ITPKB: variants seen among roughly 807,000 people sequenced by gnomAD.
ITPKB encodes inositol-trisphosphate 3-kinase B.
In ITPKB, 13 loss-of-function variants were observed where a neutral mutation model predicts 69.4. The ratio of observed to expected loss-of-function variants is 0.19; its 90% CI spans 0.12 to 0.30. The LOEUF (loss-of-function observed/expected upper bound fraction) is 0.30, where lower values mean the gene tolerates loss of function less well. Ranked by LOEUF, ITPKB falls within the 10% of genes least tolerant of loss-of-function variation. ITPKB has a pLI of 1.00. For synonymous variants in ITPKB, 584 were observed against 513.7 expected (o/e 1.14, Z -1.85); for missense variants, 1,240 against 1,250.5 (o/e 0.99, Z 0.13).
intron 4 of ITPKB, among the ~76,000 whole-genome samples, chr1:226,644,583 G>A (rs1011162542): frequency 1.3e-5 from 2 of 152,226 alleles, no homozygotes; most frequent in Admixed American, 6.5e-5. Context: ...CAGAGCCACT[G>A]AGCACATGTC....
intron 2 of ITPKB, among the ~76,000 whole-genome samples, chr1:226,677,501 C>CA (rs748074228): frequency 9.9e-4 from 151 of 152,328 alleles, no homozygotes; most frequent in Middle Eastern, 3.4e-3. Context: ...CTGTGAATCT[C>CA]AGACAAGCCC....
chr1:226,658,545 G>C (rs754893482), intron 2 of ITPKB, among the ~76,000 whole-genome samples: 1 of 152,220 alleles, frequency 6.6e-6, no homozygotes, highest in African/African-American at 2.4e-5. Context: ...CTGGATGTAA[G>C]ACTAACTGCC....
At chr1:226,660,041 G>A (rs3768378) in intron 2 of ITPKB, among the ~76,000 whole-genome samples, 35,267 of 152,008 alleles carry the variant, frequency 0.23, 4,181 homozygotes, top group Middle Eastern at 0.34. Context: ...AACAAGAGGG[G>A]GCATATTTGT....
At chr1:226,721,644 C>T (rs371903880) in intron 2 of ITPKB, among the ~76,000 whole-genome samples, 10 of 150,828 alleles carry the variant, frequency 6.6e-5, no homozygotes, top group South Asian at 2.1e-4. Flanking sequence ...TACAGGCGTA[C>T]GCCACCACGC....
intron 2 of ITPKB, among the ~76,000 whole-genome samples, chr1:226,728,808 T>A (rs1657499268): frequency 6.6e-6 from 1 of 152,206 alleles, no homozygotes; most frequent in South Asian, 2.1e-4. Context: ...GCTAGCCATG[T>A]GTAGACTGGA....
At chr1:226,670,175 C>CAAAAAAAAAAA (rs35767912) in intron 2 of ITPKB, among the ~76,000 whole-genome samples, 3 of 32,002 alleles carry the variant, frequency 9.4e-5, no homozygotes, top group African/African-American at 3.3e-4. Flanking sequence ...AGCTCCGCCG[C>CAAAAAAAAAAA]AAAAAAAAAA....
intron 2 of ITPKB, among the ~76,000 whole-genome samples, chr1:226,653,948 T>C (rs896854881): frequency 3.3e-5 from 5 of 152,210 alleles, no homozygotes; most frequent in African/African-American, 1.2e-4. Flanking sequence ...TTGTCACCCC[T>C]GCCTGTTGCA....
Position 226,634,618 on chromosome 1 carries a change from G to T in ITPKB, c.*53C>A, listed in dbSNP as rs1571831243. ...GGAAAAGTTAGGAACGAGAAAGGAAGCACAGGAGGAGGAAAGGAGGCCCAG... is the reference window on the plus strand; with the variant it reads ...GGAAAAGTTAGGAACGAGAAAGGAATCACAGGAGGAGGAAAGGAGGCCCAG... On this transcript the variant is annotated 3_prime_UTR_variant, in exon 8 of 8. Coordinates refer to ENST00000429204, the MANE Select transcript of ITPKB (RefSeq NM_002221.4). The surrounding 1 kb of genome is among the most constrained non-coding windows in gnomAD (Gnocchi z 6.3). 11 of 738,888 alleles carry T rather than the reference G, an allele frequency of 1.5e-5. No homozygotes were observed. The East Asian group carries it at 2.7e-4, about 18-fold the overall frequency. 45.8% of individuals were successfully genotyped at this position (738,888 alleles called of 1,614,324 possible).
At chr1:226,711,984 T>C (rs1300828568) in intron 2 of ITPKB, among the ~76,000 whole-genome samples, 1 of 152,174 alleles carries the variant, frequency 6.6e-6, no homozygotes, top group Non-Finnish European at 1.5e-5. Flanking sequence ...GGGGAAGGTT[T>C]TCTCTCTCAG....
chr1:226,700,770 C>T (rs1656618278), intron 2 of ITPKB, among the ~76,000 whole-genome samples: 1 of 152,096 alleles, frequency 6.6e-6, no homozygotes, highest in South Asian at 2.1e-4. Flanking sequence ...CCTTCTGAGC[C>T]CCTCTACCTT....
intron 2 of ITPKB, among the ~76,000 whole-genome samples, chr1:226,677,140 G>A (rs113523871): frequency 7.2e-5 from 11 of 152,272 alleles, no homozygotes; most frequent in African/African-American, 2.4e-4. Context: ...CTTCCAAGAG[G>A]GTGTTACCCC....
chr1:226,726,266 G>T (rs1410883389), intron 2 of ITPKB, among the ~76,000 whole-genome samples: 1 of 152,206 alleles, frequency 6.6e-6, no homozygotes, highest in Non-Finnish European at 1.5e-5. Context: ...CTCAGAGGAG[G>T]TCTTGAGTCT....
intron 2 of ITPKB, among the ~76,000 whole-genome samples, chr1:226,700,889 G>A (rs1656621028): frequency 6.6e-6 from 1 of 152,174 alleles, no homozygotes; most frequent in Non-Finnish European, 1.5e-5. Context: ...CCTTGTCAAG[G>A]CCTGTGTCTT....
At chr1:226,684,547 T>G (rs1656158354) in intron 2 of ITPKB, among the ~76,000 whole-genome samples, 1 of 152,164 alleles carries the variant, frequency 6.6e-6, no homozygotes, top group African/African-American at 2.4e-5. Context: ...GAAATCAGAC[T>G]TGTTCTAGAA....
chr1:226,698,768 C>T (rs1163937527), intron 2 of ITPKB, among the ~76,000 whole-genome samples: 1 of 152,228 alleles, frequency 6.6e-6, no homozygotes, highest in Non-Finnish European at 1.5e-5. Flanking sequence ...TCTGGACTGG[C>T]TTCTCATCCT....
At chr1:226,639,728 C>T in intron 5 of ITPKB, 70 bp from the exon 6 acceptor site, 1 of 1,013,054 alleles carries the variant, frequency 9.9e-7, no homozygotes, top group Non-Finnish European at 1.6e-6. Context: ...TTCTCACCCA[C>T]CCAACACCAC....
intron 7 of ITPKB, among the ~76,000 whole-genome samples, chr1:226,636,885 G>A (rs1027490211): frequency 2.0e-5 from 3 of 151,988 alleles, no homozygotes; most frequent in Admixed American, 6.6e-5. Flanking sequence ...GTTTGTATAC[G>A]TATGACTTGT....
chr1:226,640,726 T>C (rs563614720), intron 5 of ITPKB, among the ~76,000 whole-genome samples: 1 of 152,108 alleles, frequency 6.6e-6, no homozygotes, highest in East Asian at 1.9e-4. Flanking sequence ...GGAATTTGCA[T>C]CCAGTCTCAG....
intron 2 of ITPKB, among the ~76,000 whole-genome samples, chr1:226,670,176 A>C (rs1364917567): frequency 4.1e-5 from 3 of 73,568 alleles, no homozygotes; most frequent in Non-Finnish European, 7.2e-5. Context: ...GCTCCGCCGC[A>C]AAAAAAAAAA....
Sources: allele counts gnomAD v4.1 joint callset (sites outside exome capture counted in the v4.1 genomes callset), GRCh38; gene constraint gnomAD v4.1.1; non-coding constraint Gnocchi (gnomAD v3.1); transcripts MANE v1.5; gene names NCBI Gene and HGNC (gene_info 2026-07-23, HGNC 2026-07-21).